The following PLCB1 variants were observed in gnomAD, a reference collection of about 807,000 sequenced individuals.
PLCB1 encodes phospholipase C beta 1, also known as 1-phosphatidylinositol 4,5-bisphosphate phosphodiesterase beta-1.
A neutral mutation model predicts 161.8 loss-of-function variants in PLCB1; 46 were observed. That is an observed-to-expected ratio of 0.28 (90% CI 0.22 to 0.36). PLCB1 has a LOEUF of 0.36. Among genes scored for constraint, PLCB1 ranks in the 10% least tolerant of loss-of-function variants. The pLI is 1.00. For missense variants in PLCB1, 1,016 were observed against 1,472.5 expected (o/e 0.69, Z 5.07); for synonymous variants, 517 against 503.7 (o/e 1.03, Z -0.35).
intron 3 of PLCB1, among the ~76,000 whole-genome samples, chr20:8,601,134 T>C (rs953903887): frequency 5.3e-5 from 8 of 151,596 alleles, no homozygotes; most frequent in Admixed American, 5.3e-4. Flanking sequence ...CCCCTGTCTA[T>C]ACAAAATATA....
intron 1 of PLCB1, among the ~76,000 whole-genome samples, chr20:8,147,810 T>C (rs2051469081): frequency 6.6e-6 from 1 of 151,306 alleles, no homozygotes; most frequent in Non-Finnish European, 1.5e-5. Flanking sequence ...AAGCTAGAAA[T>C]GGAAGTATCT....
chr20:8,718,902 T>C (rs1405031405), intron 14 of PLCB1, among the ~76,000 whole-genome samples: 35 of 152,216 alleles, frequency 2.3e-4, no homozygotes. Flanking sequence ...AATTTTTTCA[T>C]GTTTTAAAGA....
At chr20:8,514,445 C>A (rs376278555) in intron 3 of PLCB1, among the ~76,000 whole-genome samples, 2,090 of 77,882 alleles carry the variant, frequency 0.027, 13 homozygotes, top group Middle Eastern at 0.11. Context: ...ACTCCATCTC[C>A]AAAAAAAAAA....
intron 31 of PLCB1, among the ~76,000 whole-genome samples, chr20:8,816,739 G>A (rs947320466): frequency 6.6e-6 from 1 of 152,154 alleles, no homozygotes; most frequent in African/African-American, 2.4e-5. Context: ...GTGCTTTGCA[G>A]CTATCCATAT....
chr20:8,794,587 G>A (rs1983926325), intron 31 of PLCB1, among the ~76,000 whole-genome samples: 1 of 152,166 alleles, frequency 6.6e-6, no homozygotes, highest in East Asian at 1.9e-4. Flanking sequence ...TCACCATGTT[G>A]TTGTATATAA....
At chr20:8,269,604 G>A (rs1390059078) in intron 2 of PLCB1, among the ~76,000 whole-genome samples, 1 of 151,892 alleles carries the variant, frequency 6.6e-6, no homozygotes, top group Non-Finnish European at 1.5e-5. Flanking sequence ...TGATTGTCTT[G>A]TTTCCTATTT....
intron 31 of PLCB1, among the ~76,000 whole-genome samples, chr20:8,826,045 A>G (rs1271199908): frequency 2.0e-5 from 3 of 152,234 alleles, no homozygotes; most frequent in Non-Finnish European, 4.4e-5. Flanking sequence ...AACGTTGGAC[A>G]TAGTATGACT....
chr20:8,426,666 G>A (rs370624673), intron 3 of PLCB1, among the ~76,000 whole-genome samples: 1 of 152,142 alleles, frequency 6.6e-6, no homozygotes, highest in Non-Finnish European at 1.5e-5. Context: ...GGGGTTCTTT[G>A]TTAAATAAGT....
At position 8,577,628 on chromosome 20, in the gene PLCB1, A is replaced by G. The variant is rs1039226461; in HGVS notation, c.247-50666A>G. Among the ~76,000 whole-genome samples, 5 of 152,168 alleles carry G rather than the reference A, an allele frequency of 3.3e-5. No homozygotes were observed. The East Asian group carries it at 9.6e-4, about 29-fold the overall frequency. On this transcript the variant is annotated intron_variant, in intron 3 of 31. Coordinates refer to ENST00000338037, the MANE Select transcript of PLCB1 (RefSeq NM_015192.4). ...GTCTTGGCACTTAAGAGATCTAATGAGAACTTACATTTAAAACATGTTTTA... is the reference window on the plus strand; with the variant it reads ...GTCTTGGCACTTAAGAGATCTAATGGGAACTTACATTTAAAACATGTTTTA...
In PLCB1 at chr20:8,237,268, A is replaced by G. The variant is rs1980375469; in HGVS notation, c.177+86897A>G. 3.3e-5 allele frequency among the ~76,000 whole-genome samples: 5 copies of G among 152,214 alleles called. No homozygotes were observed. In the South Asian group the frequency reaches 1.0e-3, roughly 32 times the overall value. On this transcript the variant is annotated intron_variant, in intron 2 of 31. Coordinates refer to ENST00000338037, the MANE Select transcript of PLCB1 (RefSeq NM_015192.4). The stretch of plus-strand genomic sequence containing the variant: ...TAATCATAATATATGTCAATAGTGG[A>G]ATCGTAGGCAGACATTAAGAAAGCT...
intron 9 of PLCB1, among the ~76,000 whole-genome samples, chr20:8,682,399 G>A (rs766474195): frequency 2.6e-5 from 4 of 152,182 alleles, no homozygotes; most frequent in Non-Finnish European, 5.9e-5. Context: ...CTACTCGGGA[G>A]GCTGAGGCAG....
intron 31 of PLCB1, among the ~76,000 whole-genome samples, chr20:8,814,931 T>G (rs1395148281): frequency 6.6e-6 from 1 of 152,186 alleles, no homozygotes; most frequent in Non-Finnish European, 1.5e-5. Context: ...GTCTCCCGTC[T>G]TTTTGCTTTT....
At chr20:8,469,751 A>AT (rs1305278467) in intron 3 of PLCB1, among the ~76,000 whole-genome samples, 1 of 152,142 alleles carries the variant, frequency 6.6e-6, no homozygotes, top group East Asian at 1.9e-4. Context: ...CCAGTCACCT[A>AT]TTTTTTAAGT....
intron 3 of PLCB1, among the ~76,000 whole-genome samples, chr20:8,589,778 G>C (rs1987095669): frequency 6.6e-6 from 1 of 151,872 alleles, no homozygotes; most frequent in Non-Finnish European, 1.5e-5. Flanking sequence ...ACCATGCCAG[G>C]CTAATATTTT....
intron 12 of PLCB1, among the ~76,000 whole-genome samples, chr20:8,712,127 C>G (rs945554058): frequency 1.3e-5 from 2 of 152,060 alleles, no homozygotes; most frequent in Non-Finnish European, 2.9e-5. Context: ...ATTGTGAAAT[C>G]CAGTCTCTAC....
chr20:8,592,749 T>G (rs779028693), intron 3 of PLCB1, among the ~76,000 whole-genome samples: 5 of 152,224 alleles, frequency 3.3e-5, no homozygotes, highest in Non-Finnish European at 7.3e-5. Flanking sequence ...TTTGGAGTTT[T>G]GGATTCAGGA....
At chr20:8,591,185 G>A (rs1052848211) in intron 3 of PLCB1, among the ~76,000 whole-genome samples, 1 of 152,082 alleles carries the variant, frequency 6.6e-6, no homozygotes, top group African/African-American at 2.4e-5. Context: ...AGTATTCCAT[G>A]GTGTATAAGA....
Position 8,132,512 on chromosome 20 carries a change from G to A in PLCB1, c.-140G>A, listed in dbSNP as rs1023506568. 1 of 428,562 alleles carries A rather than the reference G, an allele frequency of 2.3e-6. No individual in the cohort carries two copies. Among genetic ancestry groups the A allele is most frequent in the Non-Finnish European group, 4.0e-6 (1 of 248,468 alleles). 26.5% of individuals were successfully genotyped at this position (428,562 alleles called of 1,614,324 possible). On this transcript the variant is annotated 5_prime_UTR_variant, in exon 1 of 32. Coordinates refer to ENST00000338037, the MANE Select transcript of PLCB1 (RefSeq NM_015192.4). This position sits in a 1 kb window ranked among gnomAD's most constrained non-coding sequence, Gnocchi z 5.2. Reference sequence around the variant, plus strand: ...CCGGAGGGAGGTGCGGAGGCCGGGAGGCCGGGGAGGCCGGCGGGGAGCAGA... The same window carrying A: ...CCGGAGGGAGGTGCGGAGGCCGGGAAGCCGGGGAGGCCGGCGGGGAGCAGA...
intron 27 of PLCB1, among the ~76,000 whole-genome samples, chr20:8,783,921 A>G (rs1223475673): frequency 4.6e-5 from 7 of 152,318 alleles, no homozygotes; most frequent in Non-Finnish European, 2.9e-5. Context: ...ATCTTGGCCA[A>G]GAGATGGGGG....
Sources: allele counts gnomAD v4.1 joint callset (sites outside exome capture counted in the v4.1 genomes callset), GRCh38; gene constraint gnomAD v4.1.1; non-coding constraint Gnocchi (gnomAD v3.1); transcripts MANE v1.5; gene names NCBI Gene and HGNC (gene_info 2026-07-23, HGNC 2026-07-21).